Variants in ANKMY1 observed in about 807,000 individuals in gnomAD.
The protein encoded by ANKMY1 is ankyrin repeat and MYND domain-containing protein 1.
Under a neutral mutation model 102.0 loss-of-function variants are expected in ANKMY1, and 98 were observed. The observed-to-expected ratio is 0.96, with a 90% CI of 0.82 to 1.14. The LOEUF is 1.14. Among genes scored for constraint, ANKMY1 ranks in the 50% most tolerant of loss-of-function variants. ANKMY1 has a pLI of 0.00. For synonymous variants in ANKMY1, 582 were observed against 559.9 expected (o/e 1.04, Z -0.56); for missense variants, 1,330 against 1,347.6 (o/e 0.99, Z 0.20).
At chr2:240,528,081 G>A (rs1372037958) in intron 5 of ANKMY1, among the ~76,000 whole-genome samples, 1 of 152,156 alleles carries the variant, frequency 6.6e-6, no homozygotes, top group East Asian at 1.9e-4. Flanking sequence ...GAGGTCAGGA[G>A]TTCAAGACCA....
chr2:240,540,096 C>T (rs1250301158), intron 4 of ANKMY1, among the ~76,000 whole-genome samples: 1 of 152,234 alleles, frequency 6.6e-6, no homozygotes, highest in African/African-American at 2.4e-5. Context: ...TTAAAACATT[C>T]CTTTGTGCTG....
intron 4 of ANKMY1, among the ~76,000 whole-genome samples, chr2:240,549,417 A>G (rs2091088797): frequency 1.3e-5 from 2 of 152,320 alleles, no homozygotes; most frequent in Admixed American, 1.3e-4. Flanking sequence ...AAACCCTAGA[A>G]GAAACCTAGG....
At chr2:240,549,647 T>G (rs1461450749) in intron 4 of ANKMY1, among the ~76,000 whole-genome samples, 1 of 151,998 alleles carries the variant, frequency 6.6e-6, no homozygotes, top group African/African-American at 2.4e-5. Context: ...GAATCTACAA[T>G]GAACTCAAAA....
chr2:240,484,377 G>A (rs2075798653), intron 15 of ANKMY1, among the ~76,000 whole-genome samples: 1 of 152,192 alleles, frequency 6.6e-6, no homozygotes, highest in Non-Finnish European at 1.5e-5. Context: ...GAACAGAACA[G>A]AGGCCTCAGA....
At chr2:240,508,110 C>T (rs577013981) in intron 12 of ANKMY1, among the ~76,000 whole-genome samples, 22 of 152,382 alleles carry the variant, frequency 1.4e-4, no homozygotes, top group South Asian at 2.1e-4. Context: ...GCCTCTGCAC[C>T]GGGGCACCAG....
chr2:240,485,836 T>TGGAGTGGAAGTGAAA (rs2076000291), intron 15 of ANKMY1, among the ~76,000 whole-genome samples: 2 of 152,306 alleles, frequency 1.3e-5, no homozygotes, highest in Non-Finnish European at 2.9e-5. Context: ...CAAATAATTC[T>TGGAGTGGAAGTGAAA]TCTGCCTTAG....
intron 13 of ANKMY1, among the ~76,000 whole-genome samples, chr2:240,501,689 A>G (rs933308505): frequency 2.0e-5 from 3 of 152,234 alleles, no homozygotes; most frequent in African/African-American, 7.2e-5. Flanking sequence ...CATGAGCACA[A>G]CGCCTCGGGC....
intron 15 of ANKMY1, among the ~76,000 whole-genome samples, chr2:240,489,671 C>T (rs2076425232): frequency 6.6e-6 from 1 of 152,128 alleles, no homozygotes; most frequent in Admixed American, 6.5e-5. Flanking sequence ...CTTGCTAGTA[C>T]TGTATTGAGA....
chr2:240,545,302 G>C (rs868659570), intron 4 of ANKMY1, among the ~76,000 whole-genome samples: 1 of 152,322 alleles, frequency 6.6e-6, no homozygotes, highest in Middle Eastern at 3.4e-3. Context: ...TGAGGGTCCT[G>C]TCTGTTAGAA....
At chr2:240,482,355 G>C in intron 15 of ANKMY1, 94 bp from the exon 16 acceptor site, 3 of 1,132,356 alleles carry the variant, frequency 2.6e-6, no homozygotes, top group Non-Finnish European at 3.8e-6. Context: ...TGTGGTGCCT[G>C]CCTGCACTAC....
intron 9 of ANKMY1, among the ~76,000 whole-genome samples, chr2:240,514,159 A>C (rs2080775849): frequency 1.3e-5 from 2 of 152,260 alleles, no homozygotes; most frequent in South Asian, 2.1e-4. Flanking sequence ...TGAGGGGTGA[A>C]TCAGGAAATG....
chr2:240,509,271 A>G, intron 12 of ANKMY1, 77 bp downstream of exon 12: 1 of 1,226,008 alleles, frequency 8.2e-7, no homozygotes, highest in Non-Finnish European at 1.1e-6. Context: ...TTCAAATCCC[A>G]ATGACGGACT....
At chr2:240,552,224 A>G (rs538152472) in intron 4 of ANKMY1, among the ~76,000 whole-genome samples, 13 of 152,332 alleles carry the variant, frequency 8.5e-5, no homozygotes, top group Admixed American at 6.5e-4. Flanking sequence ...CTGTGCAGGA[A>G]GCGGAAAGAT....
At chr2:240,531,910 A>C (rs2085485438) in intron 4 of ANKMY1, among the ~76,000 whole-genome samples, 1 of 152,184 alleles carries the variant, frequency 6.6e-6, no homozygotes, top group African/African-American at 2.4e-5. Flanking sequence ...AAACTGACTA[A>C]AAAATGGAAA....
rs114519674 is a variant in ANKMY1 at position 240,551,334 on chromosome 2, A to G, written c.480+1580T>C. ...CTAATTTCTCCAGAATTTTTAAACT[A>G]TTTGTGAATATTCTTAATTCATGGC... is the stretch of plus-strand genomic sequence containing the variant. On this transcript the variant is annotated intron_variant, in intron 4 of 17. Transcript: ENST00000401804. Among the ~76,000 whole-genome samples, 1,375 of 152,210 alleles carry G rather than the reference A, an allele frequency of 9.0e-3. 10 individuals carry two copies. The highest frequency in any genetic ancestry group is 0.032 in the African/African-American group (1,309 of 41,536).
chr2:240,497,199 G>A (rs1298185178), intron 15 of ANKMY1, among the ~76,000 whole-genome samples: 2 of 150,558 alleles, frequency 1.3e-5, no homozygotes, highest in Admixed American at 6.6e-5. Flanking sequence ...CCACCTCCTC[G>A]CCATCTTGGA....
At chr2:240,539,887 G>A (rs1463602753) in intron 4 of ANKMY1, among the ~76,000 whole-genome samples, 2 of 152,228 alleles carry the variant, frequency 1.3e-5, no homozygotes, top group African/African-American at 2.4e-5. Flanking sequence ...AGGAAGGGAA[G>A]TCAGACATAC....
rs2077927440 is a variant in ANKMY1 at position 240,500,132 on chromosome 2, C to T, written c.2641-9G>A. The T allele has an allele frequency of 1.9e-6, 3 of 1,589,732 alleles. No individual in the cohort carries two copies. The highest frequency in any genetic ancestry group is 2.7e-5 in the African/African-American group (2 of 74,356). On this transcript the variant is annotated splice_polypyrimidine_tract_variant and intron_variant, in intron 14 of 17. Coordinates refer to ENST00000401804, the MANE Select transcript of ANKMY1 (RefSeq NM_001282771.3). The stretch of plus-strand genomic sequence containing the variant: ...CGGGCAATCCTCCGGTCCTGCGGCA[C>T]AGCACCAGGGTCACCACAGGGTCCC...
chr2:240,540,437 T>C (rs1319776797), intron 4 of ANKMY1, among the ~76,000 whole-genome samples: 3 of 152,228 alleles, frequency 2.0e-5, no homozygotes, highest in African/African-American at 4.8e-5. Flanking sequence ...CTTTGTTTTA[T>C]GTGCTTCTTT....
Sources: allele counts gnomAD v4.1 joint callset (sites outside exome capture counted in the v4.1 genomes callset), GRCh38; gene constraint gnomAD v4.1.1; transcripts MANE v1.5; gene names NCBI Gene and HGNC (gene_info 2026-07-23, HGNC 2026-07-21).